GABRA2: variants seen among roughly 807,000 people sequenced by gnomAD.
GABRA2 encodes gamma-aminobutyric acid type A receptor subunit alpha2, also known as gamma-aminobutyric acid receptor subunit alpha-2.
A neutral mutation model predicts 48.7 loss-of-function variants in GABRA2; 16 were observed. The observed-to-expected ratio is 0.33, with a 90% CI of 0.22 to 0.50. GABRA2 has a LOEUF of 0.50. Among genes scored for constraint, GABRA2 ranks in the 20% least tolerant of loss-of-function variants. GABRA2 has a pLI of 0.98. For missense variants in GABRA2, 275 were observed against 535.6 expected (o/e 0.51, Z 4.80); for synonymous variants, 185 against 184.5 (o/e 1.00, Z -0.02).
intron 6 of GABRA2, among the ~76,000 whole-genome samples, chr4:46,309,713 A>G (rs1252029610): frequency 1.3e-5 from 2 of 152,110 alleles, no homozygotes; most frequent in African/African-American, 2.4e-5. Context: ...TTTAAGAAAT[A>G]AAAAAGAAAT....
chr4:46,370,326 C>T (rs1714689909), intron 3 of GABRA2, among the ~76,000 whole-genome samples: 1 of 151,840 alleles, frequency 6.6e-6, no homozygotes, highest in African/African-American at 2.4e-5. Flanking sequence ...GGAATACACT[C>T]ATATACTTCA....
At chr4:46,327,444 A>G (rs1730581902) in intron 4 of GABRA2, among the ~76,000 whole-genome samples, 1 of 152,002 alleles carries the variant, frequency 6.6e-6, no homozygotes, top group Non-Finnish European at 1.5e-5. Context: ...CTAACTTTCC[A>G]AAATGTCAAT....
intron 8 of GABRA2, among the ~76,000 whole-genome samples, chr4:46,294,194 A>G (rs1246582222): frequency 6.6e-6 from 1 of 152,200 alleles, no homozygotes; most frequent in Non-Finnish European, 1.5e-5. Flanking sequence ...AAGATATCAC[A>G]CTGGTCCATT....
chr4:46,323,605 ACT>A (rs1474505286), intron 4 of GABRA2, among the ~76,000 whole-genome samples: 2 of 151,972 alleles, frequency 1.3e-5, no homozygotes, highest in Admixed American at 6.6e-5. Context: ...GGTGAGAAGC[ACT>A]GAGTGTATAC....
At chr4:46,265,497 T>TA (rs1378151276) in intron 8 of GABRA2, among the ~76,000 whole-genome samples, 9,052 of 143,342 alleles carry the variant, frequency 0.063, 1,362 homozygotes, top group African/African-American at 0.23. Flanking sequence ...TATATATATA[T>TA]ATATATGTTT....
At chr4:46,313,593 A>AC (rs1299551184) in intron 4 of GABRA2, among the ~76,000 whole-genome samples, 1 of 141,236 alleles carries the variant, frequency 7.1e-6, no homozygotes, top group Non-Finnish European at 1.5e-5. Flanking sequence ...CTCTCTCTTT[A>AC]CCTCTCTCTC....
intron 9 of GABRA2, 148 bp downstream of exon 9, chr4:46,261,778 A>G: frequency 1.4e-6 from 1 of 706,278 alleles, no homozygotes; most frequent in South Asian, 1.8e-5. Flanking sequence ...AAAGGATTTC[A>G]GGCAAGAACA....
intron 8 of GABRA2, among the ~76,000 whole-genome samples, chr4:46,269,874 T>C (rs929348816): frequency 9.2e-5 from 14 of 151,950 alleles, no homozygotes; most frequent in Admixed American, 7.2e-4. Flanking sequence ...GAAACTGCTT[T>C]GCTTTTGTGA....
intron 5 of GABRA2, among the ~76,000 whole-genome samples, chr4:46,310,633 A>G (rs755631065): frequency 6.6e-6 from 1 of 152,122 alleles, no homozygotes; most frequent in Non-Finnish European, 1.5e-5. Context: ...CCTCATCAAC[A>G]AACACAGAGC....
At chr4:46,259,060 G>A (rs963944545) in intron 9 of GABRA2, among the ~76,000 whole-genome samples, 6 of 151,820 alleles carry the variant, frequency 4.0e-5, no homozygotes, top group African/African-American at 1.2e-4. Flanking sequence ...ATCTTCATAA[G>A]CTGAAAGAAA....
chr4:46,345,756 G>A (rs909093948), intron 3 of GABRA2, among the ~76,000 whole-genome samples: 1 of 151,894 alleles, frequency 6.6e-6, no homozygotes, highest in Non-Finnish European at 1.5e-5. Context: ...TGGGGAAAAT[G>A]AGAGGCAACT....
intron 4 of GABRA2, among the ~76,000 whole-genome samples, chr4:46,330,583 TATATATATAG>T (rs1731164853): frequency 9.2e-6 from 1 of 108,132 alleles, no homozygotes; most frequent in South Asian, 2.9e-4. Context: ...TATATATATA[TATATATATAG>T]AGAGAGAGAG....
intron 3 of GABRA2, among the ~76,000 whole-genome samples, chr4:46,339,531 C>T (rs1732849691): frequency 6.6e-6 from 1 of 151,800 alleles, no homozygotes; most frequent in African/African-American, 2.4e-5. Context: ...TAGACATAGC[C>T]TCTGCTATCA....
intron 4 of GABRA2, among the ~76,000 whole-genome samples, chr4:46,327,747 A>G (rs1027671221): frequency 6.6e-6 from 1 of 152,044 alleles, no homozygotes; most frequent in African/African-American, 2.4e-5. Context: ...CAGAGGAAGA[A>G]AAGTATTAAC....
At chr4:46,353,775 C>T (rs1255154033) in intron 3 of GABRA2, among the ~76,000 whole-genome samples, 1 of 152,100 alleles carries the variant, frequency 6.6e-6, no homozygotes, top group African/African-American at 2.4e-5. Flanking sequence ...AGTTGTTCAT[C>T]TTGCTTCCAA....
At chr4:46,343,449 T>A (rs1733629967) in intron 3 of GABRA2, among the ~76,000 whole-genome samples, 1 of 151,880 alleles carries the variant, frequency 6.6e-6, no homozygotes, top group African/African-American at 2.4e-5. Context: ...CTTTTAAAAG[T>A]CTGTAAGTTT....
At chr4:46,309,428 G>T (rs1037133540) in intron 6 of GABRA2, among the ~76,000 whole-genome samples, 26 of 151,970 alleles carry the variant, frequency 1.7e-4, no homozygotes, top group Admixed American at 6.6e-5. Context: ...TCTCTAAAAA[G>T]GTCAGGCAAT....
intron 2 of GABRA2, among the ~76,000 whole-genome samples, chr4:46,387,191 T>C (rs974276412): frequency 3.9e-5 from 6 of 152,174 alleles, no homozygotes; most frequent in African/African-American, 1.4e-4. Context: ...GCATAAGCAT[T>C]ACTGGTCAAA....
At chr4:46,333,840 C>A (rs1290389281) in intron 3 of GABRA2, among the ~76,000 whole-genome samples, 1 of 152,016 alleles carries the variant, frequency 6.6e-6, no homozygotes, top group Non-Finnish European at 1.5e-5. Context: ...GTAGATAAAA[C>A]AATGATTTAT....
Sources: gnomAD v4.1 joint callset for allele counts (sites outside exome capture counted in the v4.1 genomes callset) on GRCh38, gnomAD v4.1.1 for gene constraint, MANE v1.5 for transcripts, NCBI Gene and HGNC (gene_info 2026-07-23, HGNC 2026-07-21) for gene names.